APLF: variants seen among roughly 807,000 people sequenced by gnomAD.
APLF encodes aprataxin and PNKP like factor.
In APLF, 61 loss-of-function variants were observed where a neutral mutation model predicts 55.6. That is an observed-to-expected ratio of 1.10 (90% CI 0.89 to 1.36). The LOEUF is 1.36. Ranked by LOEUF, APLF falls within the 40% of genes most tolerant of loss-of-function variation. The pLI is 0.00. For missense variants in APLF, 611 were observed against 602.5 expected (o/e 1.01, Z -0.15); for synonymous variants, 207 against 214.8 (o/e 0.96, Z 0.32).
At chr2:68,530,949 C>T (rs1342417391) in intron 6 of APLF, among the ~76,000 whole-genome samples, 2 of 152,206 alleles carry the variant, frequency 1.3e-5, no homozygotes, top group Admixed American at 1.3e-4. Context: ...CACCTCCATT[C>T]TGAAAACCTG....
chr2:68,498,315 G>A (rs759413126), intron 2 of APLF, among the ~76,000 whole-genome samples: 15 of 152,288 alleles, frequency 9.8e-5, no homozygotes, highest in Admixed American at 2.6e-4. Flanking sequence ...TATGGCAAAT[G>A]TTTTGTTATG....
intron 5 of APLF, among the ~76,000 whole-genome samples, chr2:68,516,338 A>G (rs1669577801): frequency 6.6e-6 from 1 of 151,480 alleles, no homozygotes. Flanking sequence ...CTCTCAGTTT[A>G]ACTCTTTAAT....
Position 68,577,869 on chromosome 2 carries a change from G to C in APLF, c.1383G>C (p.Glu461Asp), listed in dbSNP as rs1445639681. 2 of 1,613,420 alleles carry C rather than the reference G, an allele frequency of 1.2e-6. No homozygotes were observed. The highest frequency in any genetic ancestry group is 1.7e-6 in the Non-Finnish European group (2 of 1,179,662). ...ATGATAATGTTGGGCAACCCAATGA[G>C]TATGACCTGAACGACAGCTTTCTAG... Reference protein sequence around the residue: ...EDNDNVGQPNEYDLNDSFLDD... With the variant: ...EDNDNVGQPNDYDLNDSFLDD... The change falls in exon 10 of 10, where the codon GAG (glutamate) becomes GAC (aspartate). Residue 461 changes from glutamate to aspartate, a missense_variant. Glu to Asp is a conservative substitution (Grantham distance 45). Transcript: ENST00000303795.
At chr2:68,516,968 A>T (rs1455011385) in intron 5 of APLF, among the ~76,000 whole-genome samples, 1 of 124,172 alleles carries the variant, frequency 8.1e-6, no homozygotes, top group African/African-American at 3.1e-5. Flanking sequence ...ATATAATAAT[A>T]TAATATAATA....
chr2:68,522,096 C>T (rs930370573), intron 5 of APLF, among the ~76,000 whole-genome samples: 1 of 151,714 alleles, frequency 6.6e-6, no homozygotes, highest in African/African-American at 2.4e-5. Flanking sequence ...TTTAGCTGAA[C>T]CCTATAAACT....
chr2:68,534,532 A>G (rs973498524), intron 6 of APLF, among the ~76,000 whole-genome samples: 2 of 152,106 alleles, frequency 1.3e-5, no homozygotes, highest in Admixed American at 6.5e-5. Flanking sequence ...GGCTTGTTTG[A>G]GAAGTTAACC....
intron 8 of APLF, among the ~76,000 whole-genome samples, chr2:68,565,267 A>G (rs938552621): frequency 2.0e-5 from 3 of 152,080 alleles, no homozygotes; most frequent in African/African-American, 7.2e-5. Flanking sequence ...TATTTATAAT[A>G]CTTCCTATTG....
chr2:68,575,384 T>C (rs947729408), intron 9 of APLF, among the ~76,000 whole-genome samples: 11 of 152,174 alleles, frequency 7.2e-5, no homozygotes, highest in African/African-American at 2.4e-4. Flanking sequence ...AAACTACCAG[T>C]GGGCTAGTTG....
intron 6 of APLF, chr2:68,528,472 T>C: frequency 6.5e-7 from 1 of 1,533,988 alleles, no homozygotes; most frequent in Middle Eastern, 2.3e-4. Flanking sequence ...GCAGCTGCAG[T>C]GGTGGCCCCG....
intron 9 of APLF, among the ~76,000 whole-genome samples, chr2:68,571,646 A>G (rs1671467983): frequency 6.6e-6 from 1 of 152,124 alleles, no homozygotes; most frequent in African/African-American, 2.4e-5. Context: ...TGTTCCATTG[A>G]TGTATATCTC....
intron 1 of APLF, among the ~76,000 whole-genome samples, chr2:68,488,039 A>C (rs1040956201): frequency 6.6e-6 from 1 of 152,180 alleles, no homozygotes; most frequent in Non-Finnish European, 1.5e-5. Context: ...AGAAAGACAG[A>C]GATAGGAAAA....
At chr2:68,469,025 GTGTT>G (rs1675532057) in intron 1 of APLF, among the ~76,000 whole-genome samples, 1 of 150,092 alleles carries the variant, frequency 6.7e-6, no homozygotes, top group African/African-American at 2.4e-5. Context: ...TGTGTGTTGT[GTGTT>G]GTGTGTTGTG....
At chr2:68,499,746 T>G in intron 2 of APLF, among the ~76,000 whole-genome samples, 2 of 151,904 alleles carry the variant, frequency 1.3e-5, no homozygotes, top group Non-Finnish European at 2.9e-5. Context: ...GGCTGTGGCA[T>G]GAGAATTGCT....
chr2:68,524,776 G>T (rs1186460812), intron 5 of APLF, among the ~76,000 whole-genome samples: 1 of 152,212 alleles, frequency 6.6e-6, no homozygotes, highest in East Asian at 1.9e-4. Context: ...GAAGGTACTG[G>T]AGACAAGGGA....
chr2:68,475,623 A>G (rs542148373), intron 1 of APLF, among the ~76,000 whole-genome samples: 3 of 152,318 alleles, frequency 2.0e-5, no homozygotes, highest in Admixed American at 6.5e-5. Context: ...CTATTTCTTC[A>G]TAATTGCCCC....
chr2:68,566,969 A>G (rs1399728874), intron 8 of APLF, among the ~76,000 whole-genome samples: 1 of 152,094 alleles, frequency 6.6e-6, no homozygotes, highest in East Asian at 1.9e-4. Context: ...GCACATATGT[A>G]CTTAATACAT....
At chr2:68,492,545 T>C (rs1676405007) in intron 2 of APLF, among the ~76,000 whole-genome samples, 5 of 152,186 alleles carry the variant, frequency 3.3e-5, no homozygotes, top group Admixed American at 2.6e-4. Context: ...GTGATTTTAT[T>C]AGTTGAAAAT....
At position 68,526,384 on chromosome 2, in the gene APLF, C is replaced by T. The variant is rs1356812602; in HGVS notation, c.804+142C>T. On this transcript the variant is annotated intron_variant, in intron 6 of 9. Transcript: ENST00000303795. ...ACAAAACTAGCCCAATTTTTTCAGA[C>T]TTACTGAAACTAATCTTTAATATAG... The T allele has an allele frequency of 2.8e-6, 4 of 1,426,854 alleles. No individual in the cohort carries two copies. In the Admixed American group the frequency reaches 5.5e-5, roughly 19 times the overall value. The allele number at this position is 1,426,854 out of a possible 1,614,324, so 88.4% of individuals were successfully genotyped here.
intron 1 of APLF, among the ~76,000 whole-genome samples, chr2:68,472,408 A>G (rs115856859): frequency 0.01 from 1,597 of 152,316 alleles, 34 homozygotes; most frequent in African/African-American, 0.037. Context: ...TCAGACTGGA[A>G]AGTAAGTCAC....
Sources: allele counts gnomAD v4.1 joint callset (sites outside exome capture counted in the v4.1 genomes callset), GRCh38; gene constraint gnomAD v4.1.1; transcripts MANE v1.5; gene names NCBI Gene and HGNC (gene_info 2026-07-23, HGNC 2026-07-21).